DSG1: variants seen among roughly 807,000 people sequenced by gnomAD.
The protein encoded by DSG1 is desmoglein-1.
A neutral mutation model predicts 97.5 loss-of-function variants in DSG1; 39 were observed. The observed-to-expected ratio is 0.40, with a 90% CI of 0.31 to 0.52. DSG1 has a LOEUF of 0.52. Ranked by LOEUF, DSG1 falls within the 20% of genes least tolerant of loss-of-function variation. The pLI is 0.53. For missense variants in DSG1, 1,311 were observed against 1,295.4 expected, an observed-to-expected ratio of 1.01 and a Z score of -0.18; for synonymous variants, 475 against 443.4, an observed-to-expected ratio of 1.07 and a Z score of -0.90.
intron 4 of DSG1, 27 bp from the exon 5 acceptor site, chr18:31,329,865 T>C: frequency 6.2e-7 from 1 of 1,611,038 alleles, no homozygotes; most frequent in Non-Finnish European, 8.5e-7. Context: ...TGTTTCACTG[T>C]ATAATTATTT....
At position 31,356,454 on chromosome 18, in the gene DSG1, G is replaced by A. The variant is rs2071959459; in HGVS notation, c.*1108G>A. ...TTTTTTTAAGGGGATCTAAAAAAAT[G>A]TTTTTAGAACATGTAAAATGTTTAA... On this transcript the variant is annotated 3_prime_UTR_variant, in exon 15 of 15. Coordinates refer to ENST00000257192, the MANE Select transcript of DSG1 (RefSeq NM_001942.4). 6.6e-6 allele frequency: 1 copy of A among 151,968 alleles called. No individual in the cohort carries two copies. Among genetic ancestry groups the A allele is most frequent in the African/African-American group, 2.4e-5 (1 of 41,396 alleles). 9.4% of individuals were successfully genotyped at this position (151,968 alleles called of 1,614,324 possible).
intron 1 of DSG1, among the ~76,000 whole-genome samples, chr18:31,325,956 C>T (rs951828081): frequency 4.6e-5 from 7 of 152,052 alleles, no homozygotes; most frequent in Non-Finnish European, 1.0e-4. Context: ...AAATACATAA[C>T]CTAATACCTA....
intron 7 of DSG1, 112 bp from the exon 8 acceptor site, chr18:31,333,905 A>G (rs977695908): frequency 1.1e-5 from 12 of 1,130,404 alleles, no homozygotes; most frequent in Non-Finnish European, 1.6e-5. Flanking sequence ...ATGAGATGAA[A>G]ACCACAGATA....
intron 8 of DSG1, among the ~76,000 whole-genome samples, chr18:31,335,498 C>T (rs529653412): frequency 6.6e-6 from 1 of 151,632 alleles, no homozygotes; most frequent in East Asian, 1.9e-4. Flanking sequence ...ATATTAAATC[C>T]TTTGTTATAG....
intron 5 of DSG1, 91 bp downstream of exon 5, chr18:31,330,127 G>C: frequency 6.8e-7 from 1 of 1,470,188 alleles, no homozygotes; most frequent in South Asian, 1.1e-5. Context: ...ATGAATGTAA[G>C]AGATAAACTA....
At chr18:31,343,731 C>T (rs1330521851) in intron 12 of DSG1, 148 bp downstream of exon 12, 5 of 1,287,926 alleles carry the variant, frequency 3.9e-6, no homozygotes, top group East Asian at 2.4e-5. Flanking sequence ...ATCAGAAACA[C>T]AACAAAATTA....
Position 31,345,981 on chromosome 18 carries a change from C to T in DSG1, c.1892-9C>T, listed in dbSNP as rs2071830239. 2 of 1,609,490 alleles carry T rather than the reference C, an allele frequency of 1.2e-6. No homozygotes were observed. The highest frequency in any genetic ancestry group is 4.5e-5 in the East Asian group (2 of 44,764). On this transcript the variant is annotated splice_polypyrimidine_tract_variant and intron_variant, in intron 13 of 14. Transcript: ENST00000257192. ...AAGAAAATAAATTTAATTTGATCAA[C>T]ACTTTTAGGAGTTTATACAAATGAG...
In DSG1 at chr18:31,355,015, A is replaced by C; in HGVS notation, c.2819A>C (p.His940Pro). The C allele has an allele frequency of 1.2e-6, 2 of 1,614,190 alleles. No individual in the cohort carries two copies. The highest frequency in any genetic ancestry group is 1.7e-6 in the Non-Finnish European group (2 of 1,180,030). Residue 940 changes from histidine (H) to proline (P), a missense_variant, in exon 15 of 15, where the codon CAC becomes CCC. His to Pro is a moderately conservative substitution (Grantham distance 77). Coordinates refer to ENST00000257192, the MANE Select transcript of DSG1 (RefSeq NM_001942.4). ...GGCATGATAGGTAGTCTGAGTATGC[A>C]CCCCGAGTTAGCCAATGCCCACAAT... ...TSGMIGSLSM[H>P]PELANAHNVI...
intron 8 of DSG1, 124 bp from the exon 9 acceptor site, chr18:31,336,230 T>C (rs977447801): frequency 1.0e-5 from 8 of 781,504 alleles, no homozygotes; most frequent in Non-Finnish European, 1.6e-5. Flanking sequence ...GATTGTGTAT[T>C]TGTGTGCATT....
chr18:31,348,125 C>T (rs552477027), intron 14 of DSG1, among the ~76,000 whole-genome samples: 2 of 131,180 alleles, frequency 1.5e-5, no homozygotes, highest in East Asian at 2.6e-4. Context: ...CCCCTCCCCC[C>T]ACCCCACAAC....
chr18:31,351,086 G>C (rs1372733037), intron 14 of DSG1, among the ~76,000 whole-genome samples: 3 of 148,362 alleles, frequency 2.0e-5, no homozygotes, highest in Non-Finnish European at 4.4e-5. Flanking sequence ...GATCTTTCCT[G>C]CTTTCTCTTG....
In DSG1 at chr18:31,331,535, T is replaced by C. The variant is rs190754170; in HGVS notation, c.518-166T>C. On this transcript the variant is annotated intron_variant, in intron 5 of 14. Coordinates refer to ENST00000257192, the MANE Select transcript of DSG1 (RefSeq NM_001942.4). ...GTGATCTTCTTGTTAGGCAAAGATA[T>C]AGAAAAGAGCTAAGATATCCATATG... Among the ~76,000 whole-genome samples, 184 of 152,138 alleles carry C rather than the reference T, an allele frequency of 1.2e-3. 1 individual carries two copies. Among genetic ancestry groups the C allele is most frequent in the African/African-American group, 4.2e-3 (176 of 41,536 alleles).
chr18:31,355,563 AC>A lies in DSG1; in HGVS notation c.*218del. The A allele has an allele frequency of 1.7e-6, 1 of 575,434 alleles. No individual in the cohort carries two copies. The highest frequency in any genetic ancestry group is 3.0e-5 in the East Asian group (1 of 33,800). The allele number at this position is 575,434 out of a possible 1,614,324, so 35.6% of individuals were successfully genotyped here. On this transcript the variant is annotated 3_prime_UTR_variant, in exon 15 of 15. Transcript: ENST00000257192. Reference sequence around the variant, plus strand: ...TTTTCTCTTATATTAGGACTAAGGAACTAAAACTTGAGGCAGAGTCTTCTTT... The same window carrying A: ...TTTTCTCTTATATTAGGACTAAGGAATAAAACTTGAGGCAGAGTCTTCTTT...
chr18:31,350,427 C>A (rs2071884949), intron 14 of DSG1, among the ~76,000 whole-genome samples: 1 of 138,522 alleles, frequency 7.2e-6, no homozygotes, highest in South Asian at 2.5e-4. Flanking sequence ...GTCTAAAATT[C>A]TCTTTTTTTG....
At chr18:31,341,041 G>A (rs1424579797) in intron 11 of DSG1, among the ~76,000 whole-genome samples, 2 of 152,184 alleles carry the variant, frequency 1.3e-5, no homozygotes, top group African/African-American at 4.8e-5. Flanking sequence ...ATGGCCACTA[G>A]GGTAGCACTA....
chr18:31,326,561 G>T lies in DSG1; in HGVS notation c.49-20G>T. On this transcript the variant is annotated intron_variant, in intron 1 of 14. Transcript: ENST00000257192. The stretch of plus-strand genomic sequence containing the variant: ...CATTTAATTAAAAAATAACTAGTGT[G>T]ATTATCTTATTTTTTACAGGTGGTG... The T allele has an allele frequency of 1.3e-6, 2 of 1,563,498 alleles. No individual in the cohort carries two copies. Among genetic ancestry groups the T allele is most frequent in the Non-Finnish European group, 1.8e-6 (2 of 1,135,376 alleles).
chr18:31,332,059 TA>T (rs2071724792), intron 6 of DSG1, among the ~76,000 whole-genome samples, 192 bp downstream of exon 6: 1 of 152,142 alleles, frequency 6.6e-6, no homozygotes, highest in South Asian at 2.1e-4. Context: ...CGTTTTGTAC[TA>T]TTTTTCATAT....
In DSG1 at chr18:31,354,493, A is replaced by C. The variant is rs779177104; in HGVS notation, c.2297A>C (p.Glu766Ala). 1 of 1,614,190 alleles carries C rather than the reference A, an allele frequency of 6.2e-7. No individual in the cohort carries two copies. Among genetic ancestry groups the C allele is most frequent in the Non-Finnish European group, 8.5e-7 (1 of 1,180,032 alleles). ...KKLADISLGK[E>A]SYPDLDPSWP... ...TTGGCAGACATCAGCCTAGGAAAAG[A>C]ATCATATCCAGACCTTGATCCTTCT... Residue 766 changes from glutamate (E) to alanine (A), a missense_variant, in exon 15 of 15, where the codon GAA becomes GCA. Around this residue, in one of 3 missense-constraint regions of DSG1, gnomAD observed 1,038 missense variants for 964.6 expected, o/e 1.08. Transcript: ENST00000257192.
chr18:31,354,678 G>A lies in DSG1; in HGVS notation c.2482G>A (p.Asp828Asn), dbSNP rs3752094. ...TGTACTGCATCCTAAGCCTATTCTC[G>A]ATCCTCTGGGCTATGGTAATGTCAC... Reference protein sequence around the residue: ...PGVLHPKPILDPLGYGNVTVT... With the variant: ...PGVLHPKPILNPLGYGNVTVT... The change falls in exon 15 of 15, where the codon GAT becomes AAT. Residue 828 changes from aspartate to asparagine, a missense_variant. This residue lies in a region of DSG1 where 1,038 missense variants were observed against 964.6 expected (regional missense o/e 1.08). Coordinates refer to ENST00000257192, the MANE Select transcript of DSG1 (RefSeq NM_001942.4). 2.5e-5 allele frequency: 40 copies of A among 1,614,044 alleles called. No homozygotes were observed. The highest frequency in any genetic ancestry group is 1.6e-4 in the East Asian group (7 of 44,870).
Sources: allele counts gnomAD v4.1 joint callset (sites outside exome capture counted in the v4.1 genomes callset), GRCh38; gene constraint gnomAD v4.1.1; regional missense constraint gnomAD v4.1.1; transcripts MANE v1.5; gene names NCBI Gene and HGNC (gene_info 2026-07-23, HGNC 2026-07-21).